The following LIMCH1 variants were observed in gnomAD, a reference collection of about 807,000 sequenced individuals.
LIMCH1 encodes the protein LIM and calponin homology domains-containing protein 1.
A neutral mutation model predicts 176.5 loss-of-function variants in LIMCH1; 113 were observed. The ratio of observed to expected loss-of-function variants is 0.64; its 90% CI spans 0.55 to 0.75. The LOEUF is 0.75. LIMCH1 is among the 30% of genes least tolerant of loss of function. The pLI is 0.00. For missense variants in LIMCH1, 1,674 were observed against 1,814.9 expected (o/e 0.92, Z 1.41); for synonymous variants, 619 against 645.9 (o/e 0.96, Z 0.63).
chr4:41,380,052 G>A (rs555571572), intron 1 of LIMCH1, among the ~76,000 whole-genome samples: 6 of 152,206 alleles, frequency 3.9e-5, no homozygotes, highest in Non-Finnish European at 5.9e-5. Context: ...TGATCCACCC[G>A]TTTTGGCCTC....
At chr4:41,635,952 C>T (rs950675261) in intron 13 of LIMCH1, among the ~76,000 whole-genome samples, 4 of 152,152 alleles carry the variant, frequency 2.6e-5, no homozygotes, top group African/African-American at 9.7e-5. Context: ...GATCTCACTC[C>T]ATCACCCAAG....
Position 41,360,879 on chromosome 4 carries a change from C to A in LIMCH1, c.39C>A (p.Pro13=). 1 of 1,586,120 alleles carries A rather than the reference C, an allele frequency of 6.3e-7. No homozygotes were observed. The highest frequency in any genetic ancestry group is 8.6e-7 in the Non-Finnish European group (1 of 1,169,526). ...CTCTCGGTCTGGAAGCTCTTCAGCC[C>A]CTGCAGCCCGAGCCGCCCCCCGAGC... Residue 13 remains proline, a synonymous_variant, in exon 1 of 27, where the codon CCC becomes CCA. Coordinates refer to the LIMCH1 transcript ENST00000313860. The surrounding 1 kb of genome is among the most constrained non-coding windows in gnomAD (Gnocchi z 4.5).
intron 1 of LIMCH1, among the ~76,000 whole-genome samples, chr4:41,493,311 A>AT (rs2071440702): frequency 6.6e-6 from 1 of 151,550 alleles, no homozygotes; most frequent in African/African-American, 2.4e-5. Flanking sequence ...TTTATGATCA[A>AT]TTTTATCTCC....
At chr4:41,515,531 C>T (rs6838113) in intron 2 of LIMCH1, among the ~76,000 whole-genome samples, 78,423 of 152,126 alleles carry the variant, frequency 0.52, 23,206 homozygotes, top group African/African-American at 0.82. Context: ...GTAATAATGC[C>T]GGCCATTGAT....
chr4:41,489,423 A>G (rs904357452), intron 1 of LIMCH1, among the ~76,000 whole-genome samples: 1 of 152,112 alleles, frequency 6.6e-6, no homozygotes, highest in Admixed American at 6.6e-5. Context: ...TGATATGGGC[A>G]TTTTGGGCAT....
rs140949897 is a variant in LIMCH1, at chr4:41,425,037, C to T, written c.96+64101C>T. Among the ~76,000 whole-genome samples, 501 of 152,304 alleles carry T rather than the reference C, an allele frequency of 3.3e-3. 4 individuals are homozygous for T. Among genetic ancestry groups the T allele is most frequent in the African/African-American group, 0.011 (463 of 41,564 alleles). ...CCTCAGTCACTTCCCTGGTCCATCT[C>T]CTCCTTTATCAGTGCTTGAAGAGTG... is the stretch of plus-strand genomic sequence containing the variant. On this transcript the variant is annotated intron_variant, in intron 1 of 26. Coordinates refer to the LIMCH1 transcript ENST00000313860.
rs1054554143 is a variant in LIMCH1 at position 41,538,299 on chromosome 4, C to T, written c.-292C>T. The T allele has an allele frequency of 3.0e-5, 30 of 985,342 alleles. No individual in the cohort carries two copies. The highest frequency in any genetic ancestry group is 1.2e-6 in the Non-Finnish European group (1 of 829,956). The allele number at this position is 985,342 out of a possible 1,614,324, so 61.0% of individuals were successfully genotyped here. The stretch of plus-strand genomic sequence containing the variant: ...CACACAGGAGAGATGCCCCTCCCAT[C>T]TCCCAGAGTGGGTTGGCTGGAGTTC... On this transcript the variant is annotated 5_prime_UTR_variant, in exon 1 of 32. Transcript: ENST00000503057.
chr4:41,502,471 C>G (rs2073474955), intron 2 of LIMCH1, among the ~76,000 whole-genome samples: 1 of 152,170 alleles, frequency 6.6e-6, no homozygotes, highest in African/African-American at 2.4e-5. Flanking sequence ...TTCTAGATCT[C>G]TGAGGAATCG....
At chr4:41,626,177 C>T (rs2092937441) in intron 7 of LIMCH1, among the ~76,000 whole-genome samples, 1 of 152,074 alleles carries the variant, frequency 6.6e-6, no homozygotes, top group Admixed American at 6.5e-5. Flanking sequence ...TAAACTATCC[C>T]AGATGTTTCA....
intron 1 of LIMCH1, among the ~76,000 whole-genome samples, chr4:41,569,832 A>G (rs941909454): frequency 2.2e-4 from 34 of 152,218 alleles, no homozygotes; most frequent in African/African-American, 7.5e-4. Context: ...AGTTCACTGA[A>G]AAATAACCTG....
At chr4:41,398,175 C>CTTT (rs11412751) in intron 1 of LIMCH1, among the ~76,000 whole-genome samples, 43 of 141,016 alleles carry the variant, frequency 3.0e-4, no homozygotes, top group African/African-American at 1.1e-3. Context: ...TAAGAGTTTT[C>CTTT]TTTTTTTTTT....
chr4:41,444,117 C>T (rs1282079482), intron 1 of LIMCH1, among the ~76,000 whole-genome samples: 2 of 152,092 alleles, frequency 1.3e-5, no homozygotes, highest in Non-Finnish European at 2.9e-5. Flanking sequence ...TTGAAGAGTG[C>T]TTCCAATTTC....
rs776425463 is a variant in LIMCH1 at position 41,682,473 on chromosome 4, C to A, written c.3845+13C>A. 18 of 1,608,988 alleles carry A rather than the reference C, an allele frequency of 1.1e-5. No individual in the cohort carries two copies. The highest frequency in any genetic ancestry group is 1.7e-4 in the Middle Eastern group (1 of 6,050). ...AGGAGAAGGGCAGGTATGAGCCCATCCCAAGCCACCATGAAAATGTACAAA... is the reference window on the plus strand; with the variant it reads ...AGGAGAAGGGCAGGTATGAGCCCATACCAAGCCACCATGAAAATGTACAAA... On this transcript the variant is annotated intron_variant, in intron 26 of 31. Transcript: ENST00000503057.
At chr4:41,423,964 A>G (rs913048109) in intron 1 of LIMCH1, among the ~76,000 whole-genome samples, 6 of 152,098 alleles carry the variant, frequency 3.9e-5, no homozygotes, top group Non-Finnish European at 8.8e-5. Flanking sequence ...TTTGCCCATG[A>G]GTGATGTTCT....
intron 1 of LIMCH1, among the ~76,000 whole-genome samples, chr4:41,595,629 G>A (rs967020489): frequency 5.9e-5 from 9 of 152,242 alleles, no homozygotes; most frequent in Admixed American, 5.2e-4. Context: ...CTTGAAGAGT[G>A]TAAGGTATAA....
intron 1 of LIMCH1, among the ~76,000 whole-genome samples, chr4:41,591,132 G>A (rs949400644): frequency 1.3e-5 from 2 of 152,184 alleles, no homozygotes; most frequent in Non-Finnish European, 2.9e-5. Context: ...CAAGATCTGG[G>A]TCTTCTATGA....
At chr4:41,634,420 G>A (rs151334043) in intron 13 of LIMCH1, among the ~76,000 whole-genome samples, 27 of 152,266 alleles carry the variant, frequency 1.8e-4, no homozygotes, top group African/African-American at 6.5e-4. Flanking sequence ...AAGTGAGGAG[G>A]GCTTTGCATA....
At chr4:41,606,798 T>C (rs1036586599) in intron 4 of LIMCH1, among the ~76,000 whole-genome samples, 6 of 152,170 alleles carry the variant, frequency 3.9e-5, no homozygotes, top group Non-Finnish European at 8.8e-5. Flanking sequence ...ATGTACTTTT[T>C]TAATTATTTT....
intron 14 of LIMCH1, 134 bp downstream of exon 14, chr4:41,639,101 G>C: frequency 3.0e-6 from 2 of 672,690 alleles, no homozygotes; most frequent in Non-Finnish European, 5.0e-6. Context: ...CAAAGCACTT[G>C]AAGTTGGAAT....
Sources: gnomAD v4.1 joint callset for allele counts (sites outside exome capture counted in the v4.1 genomes callset) on GRCh38, gnomAD v4.1.1 for gene constraint, Gnocchi (gnomAD v3.1) non-coding constraint, MANE v1.5 for transcripts, NCBI Gene and HGNC (gene_info 2026-07-23, HGNC 2026-07-21) for gene names.